Variants in MACC1 observed in about 807,000 individuals in gnomAD.
The protein encoded by MACC1 is metastasis-associated in colon cancer protein 1.
A neutral mutation model predicts 70.7 loss-of-function variants in MACC1; 79 were observed. The ratio of observed to expected loss-of-function variants is 1.12; its 90% confidence interval spans 0.93 to 1.35. MACC1 has a LOEUF of 1.35. MACC1 is among the 40% of genes most tolerant of loss of function. MACC1 has a pLI of 0.00. For missense variants in MACC1, 1,106 were observed against 978.1 expected (o/e 1.13, Z -1.74); for synonymous variants, 361 against 347.2 (o/e 1.04, Z -0.44).
intron 1 of MACC1, 33 bp downstream of exon 1, chr7:20,217,266 A>C (rs1354806718): frequency 1.3e-5 from 2 of 152,204 alleles, no homozygotes; most frequent in African/African-American, 2.4e-5. Context: ...TCAATAGTGA[A>C]AGGAATATTA....
intron 1 of MACC1, among the ~76,000 whole-genome samples, chr7:20,186,501 CAAAT>C (rs1782590763): frequency 6.6e-6 from 1 of 151,268 alleles, no homozygotes; most frequent in Admixed American, 6.6e-5. Context: ...GTAAAATAAT[CAAAT>C]AAATAAACGA....
intron 1 of MACC1, among the ~76,000 whole-genome samples, chr7:20,198,107 T>A (rs988399354): frequency 6.6e-6 from 1 of 151,906 alleles, no homozygotes; most frequent in Non-Finnish European, 1.5e-5. Flanking sequence ...GACAGGAGGG[T>A]CTGATGTCTG....
At chr7:20,199,638 A>G (rs1372809369) in intron 1 of MACC1, among the ~76,000 whole-genome samples, 2 of 152,252 alleles carry the variant, frequency 1.3e-5, no homozygotes, top group African/African-American at 2.4e-5. Flanking sequence ...CAAATGAAAC[A>G]GGAAGCACAC....
intron 6 of MACC1, among the ~76,000 whole-genome samples, chr7:20,150,077 A>G (rs915873782): frequency 6.6e-6 from 1 of 152,220 alleles, no homozygotes; most frequent in African/African-American, 2.4e-5. Context: ...CATAATGACT[A>G]GCTGACAATG....
At chr7:20,216,399 T>C (rs1217096764) in intron 1 of MACC1, among the ~76,000 whole-genome samples, 2 of 152,130 alleles carry the variant, frequency 1.3e-5, no homozygotes, top group Non-Finnish European at 1.5e-5. Context: ...TGTTTACACT[T>C]ACAAATTTTA....
At chr7:20,180,734 T>C (rs961740639) in intron 1 of MACC1, among the ~76,000 whole-genome samples, 2 of 151,968 alleles carry the variant, frequency 1.3e-5, no homozygotes, top group Non-Finnish European at 2.9e-5. Context: ...GTAATCCCAG[T>C]TACTCAGGAG....
intron 5 of MACC1, among the ~76,000 whole-genome samples, chr7:20,155,565 G>C (rs758525572): frequency 6.6e-6 from 1 of 152,150 alleles, no homozygotes; most frequent in Non-Finnish European, 1.5e-5. Context: ...GTGGATAAGG[G>C]GAACTACTGT....
Position 20,139,785 on chromosome 7 carries a change from C to A in MACC1, c.*1161G>T, listed in dbSNP as rs1289310158. 6.6e-6 allele frequency: 1 copy of A among 150,834 alleles called. No homozygotes were observed. Among genetic ancestry groups the A allele is most frequent in the African/African-American group, 2.4e-5 (1 of 41,052 alleles). 9.3% of individuals were successfully genotyped at this position (150,834 alleles called of 1,614,324 possible). The stretch of plus-strand genomic sequence containing the variant: ...CCCAGGGTCCTATACAATTTTTGTC[C>A]TATATAATCAATTAGGCTGTGCTTT... On this transcript the variant is annotated 3_prime_UTR_variant, in exon 7 of 7. Coordinates refer to ENST00000400331, the MANE Select transcript of MACC1 (RefSeq NM_182762.4).
intron 6 of MACC1, among the ~76,000 whole-genome samples, chr7:20,151,214 A>T (rs1781972427): frequency 6.6e-6 from 1 of 152,194 alleles, no homozygotes; most frequent in Admixed American, 6.5e-5. Flanking sequence ...CCATCCCTAG[A>T]AGGCTAAGTG....
At chr7:20,204,872 T>C (rs1490335356) in intron 1 of MACC1, among the ~76,000 whole-genome samples, 1 of 152,224 alleles carries the variant, frequency 6.6e-6, no homozygotes, top group African/African-American at 2.4e-5. Flanking sequence ...TTATTAAAAT[T>C]ATCCAAAATG....
chr7:20,175,118 G>C (rs73683399), intron 1 of MACC1, among the ~76,000 whole-genome samples: 1,679 of 152,090 alleles, frequency 0.011, 29 homozygotes, highest in African/African-American at 0.039. Context: ...TGGTTAGAAA[G>C]ATATCATCTA....
intron 1 of MACC1, among the ~76,000 whole-genome samples, chr7:20,202,971 A>G (rs1782854777): frequency 6.6e-6 from 1 of 152,204 alleles, no homozygotes; most frequent in Non-Finnish European, 1.5e-5. Context: ...ATAAGTATGT[A>G]ACCTTCTTAA....
chr7:20,213,384 A>G (rs1057404189), intron 1 of MACC1, among the ~76,000 whole-genome samples: 1 of 152,228 alleles, frequency 6.6e-6, no homozygotes, highest in African/African-American at 2.4e-5. Flanking sequence ...TCAAAGACCT[A>G]AAGACACAAA....
intron 1 of MACC1, among the ~76,000 whole-genome samples, chr7:20,188,647 T>C (rs574101126): frequency 1.3e-5 from 2 of 151,994 alleles, no homozygotes; most frequent in African/African-American, 4.8e-5. Flanking sequence ...AATATTTTTC[T>C]TCTCTCTCTC....
At chr7:20,196,462 G>A (rs939293289) in intron 1 of MACC1, among the ~76,000 whole-genome samples, 1 of 152,160 alleles carries the variant, frequency 6.6e-6, no homozygotes, top group African/African-American at 2.4e-5. Flanking sequence ...TTACAGGCGT[G>A]AGTCACTGCG....
intron 1 of MACC1, among the ~76,000 whole-genome samples, chr7:20,171,455 C>G (rs1431790465): frequency 6.6e-6 from 1 of 151,196 alleles, no homozygotes; most frequent in Non-Finnish European, 1.5e-5. Context: ...GGAATTTCAC[C>G]GTGTTAGCCA....
At chr7:20,144,716 G>T (rs576453656) in intron 6 of MACC1, among the ~76,000 whole-genome samples, 1 of 152,238 alleles carries the variant, frequency 6.6e-6, no homozygotes, top group African/African-American at 2.4e-5. Flanking sequence ...AAAAATTACA[G>T]TTGGAATGAG....
chr7:20,165,425 A>G (rs1333524010), intron 2 of MACC1, among the ~76,000 whole-genome samples: 1 of 151,978 alleles, frequency 6.6e-6, no homozygotes, highest in South Asian at 2.1e-4. Context: ...CTATCCCACA[A>G]CAAATCCTCT....
At position 20,154,349 on chromosome 7, in the gene MACC1, G is replaced by A. The variant is rs373617786; in HGVS notation, c.2190C>T (p.Val730=). 47 of 1,613,636 alleles carry A rather than the reference G, an allele frequency of 2.9e-5. No homozygotes were observed. The highest frequency in any genetic ancestry group is 1.4e-4 in the South Asian group (13 of 91,052). The part of the protein sequence containing the change: ...ALLKMDCQEL[V]ARLIQEAAVL... ...CAGCAGCTTCTTGGATGAGACGTGC[G>A]ACTAACTCTTGGCAATCCATTTTCA... is the stretch of plus-strand genomic sequence containing the variant. Residue 730 remains valine (V), a synonymous_variant, in exon 6 of 7, where the codon GTC becomes GTT. Transcript: ENST00000400331.
Sources: allele counts gnomAD v4.1 joint callset (sites outside exome capture counted in the v4.1 genomes callset), GRCh38; gene constraint gnomAD v4.1.1; transcripts MANE v1.5; gene names NCBI Gene and HGNC (gene_info 2026-07-23, HGNC 2026-07-21).